NEDD4: variants seen among roughly 807,000 people sequenced by gnomAD.
The protein encoded by NEDD4 is E3 ubiquitin-protein ligase NEDD4.
Under a neutral mutation model 144.9 loss-of-function variants are expected in NEDD4, and 99 were observed. The ratio of observed to expected loss-of-function variants is 0.68; its 90% confidence interval spans 0.58 to 0.81. The LOEUF is 0.81. NEDD4 is among the 30% of genes least tolerant of loss of function. NEDD4 has a pLI of 0.00. For synonymous variants in NEDD4, 318 were observed against 350.6 expected, an observed-to-expected ratio of 0.91 and a Z score of 1.04; for missense variants, 985 against 1,065.9, an observed-to-expected ratio of 0.92 and a Z score of 1.06.
intron 2 of NEDD4, among the ~76,000 whole-genome samples, chr15:55,959,029 C>A (rs2037385097): frequency 6.7e-6 from 1 of 149,200 alleles, no homozygotes; most frequent in Admixed American, 6.8e-5. Context: ...GATTTTGGCC[C>A]TTGTCTTTAT....
At chr15:55,940,013 T>C (rs571926227) in intron 4 of NEDD4, among the ~76,000 whole-genome samples, 1 of 152,122 alleles carries the variant, frequency 6.6e-6, no homozygotes, top group Non-Finnish European at 1.5e-5. Context: ...ATACATACAA[T>C]AGAATATTAT....
At position 55,984,626 on chromosome 15, in the gene NEDD4, T is replaced by G. The variant is rs372254819; in HGVS notation, c.45+8885A>C. The stretch of plus-strand genomic sequence containing the variant: ...CTCGCATCAGTTGAAGCCAGACATT[T>G]GAGTCCAGCCATGAGTTATAATAAT... On this transcript the variant is annotated intron_variant, in intron 1 of 28. Transcript: ENST00000435532. Among the ~76,000 whole-genome samples, 25 of 152,348 alleles carry G rather than the reference T, an allele frequency of 1.6e-4. No individual in the cohort carries two copies. In the East Asian group the frequency reaches 4.0e-3, roughly 25 times the overall value.
At chr15:55,911,463 A>T (rs1251664853) in intron 5 of NEDD4, among the ~76,000 whole-genome samples, 8 of 152,116 alleles carry the variant, frequency 5.3e-5, no homozygotes, top group Non-Finnish European at 1.5e-5. Context: ...TCTCCAGATA[A>T]ATAATGTCAC....
chr15:55,959,233 G>A (rs555052777), intron 2 of NEDD4, among the ~76,000 whole-genome samples: 5 of 152,100 alleles, frequency 3.3e-5, no homozygotes, highest in African/African-American at 1.2e-4. Flanking sequence ...TTTTCATTCA[G>A]TTCAAAATGT....
chr15:55,960,954 G>GT (rs1363855477), intron 2 of NEDD4, among the ~76,000 whole-genome samples: 2 of 152,194 alleles, frequency 1.3e-5, no homozygotes, highest in Non-Finnish European at 2.9e-5. Context: ...TCTGGCATCT[G>GT]TAAGTAATAA....
intron 13 of NEDD4, among the ~76,000 whole-genome samples, chr15:55,852,092 T>C (rs2034004716): frequency 6.6e-6 from 1 of 151,688 alleles, no homozygotes; most frequent in South Asian, 2.1e-4. Flanking sequence ...GGTCAGGAGT[T>C]TCAGATCAGC....
intron 1 of NEDD4, among the ~76,000 whole-genome samples, chr15:55,984,956 A>G (rs58620732): frequency 0.017 from 2,541 of 152,328 alleles, 77 homozygotes; most frequent in African/African-American, 0.058. Flanking sequence ...ATTGTGTTCA[A>G]CTGGTTCCTG....
chr15:55,927,077 C>CAAAAAAAA (rs57940091), intron 4 of NEDD4, among the ~76,000 whole-genome samples: 136 of 70,464 alleles, frequency 1.9e-3, no homozygotes, highest in Non-Finnish European at 2.4e-3. Context: ...GACTACGTCT[C>CAAAAAAAA]AAAAAAAAAA....
chr15:55,909,601 C>A (rs567223600), intron 5 of NEDD4, among the ~76,000 whole-genome samples: 1 of 152,164 alleles, frequency 6.6e-6, no homozygotes, highest in Admixed American at 6.5e-5. Context: ...CTCAACACAT[C>A]GCCTGGCCTC....
At chr15:55,985,430 C>T (rs1169112915) in intron 1 of NEDD4, among the ~76,000 whole-genome samples, 4 of 152,154 alleles carry the variant, frequency 2.6e-5, no homozygotes, top group Admixed American at 2.0e-4. Flanking sequence ...GGGAGGACGG[C>T]GTTGCACAGG....
At chr15:55,952,085 T>C (rs955764532) in intron 2 of NEDD4, among the ~76,000 whole-genome samples, 1 of 151,246 alleles carries the variant, frequency 6.6e-6, no homozygotes, top group East Asian at 1.9e-4. Flanking sequence ...TCCCAGTACT[T>C]TGGGAGGCCG....
At chr15:55,870,027 A>G (rs1305074650) in intron 7 of NEDD4, among the ~76,000 whole-genome samples, 1 of 152,128 alleles carries the variant, frequency 6.6e-6, no homozygotes, top group Non-Finnish European at 1.5e-5. Context: ...AGGAAAAGGC[A>G]TATGAGTAAA....
intron 4 of NEDD4, among the ~76,000 whole-genome samples, chr15:55,925,342 G>A (rs79136313): frequency 0.14 from 21,681 of 152,160 alleles, 2,049 homozygotes; most frequent in Non-Finnish European, 0.21. Flanking sequence ...CTTATGATCA[G>A]TTTTATTTAC....
At chr15:55,831,762 C>CA (rs775140652) in intron 27 of NEDD4, among the ~76,000 whole-genome samples, 11 of 152,136 alleles carry the variant, frequency 7.2e-5, no homozygotes, top group Non-Finnish European at 1.5e-4. Context: ...TCTATTTGCA[C>CA]AAAAAATTCA....
chr15:55,969,098 G>A (rs2037565907), intron 1 of NEDD4, among the ~76,000 whole-genome samples: 1 of 152,174 alleles, frequency 6.6e-6, no homozygotes. Flanking sequence ...GTGCAGTGTG[G>A]TGGCTGAGAG....
rs114611656 is a variant in NEDD4 at position 55,966,511 on chromosome 15, G to A, written c.81C>T (p.Ala27=). ...NSRIVRVRVI[A]GIGLAKKDIL... is the part of the protein sequence containing the mutation. Reference sequence around the variant, plus strand: ...TATCCTTCTTGGCAAGGCCTATTCCGGCTATAACTCTTACTCTCACAATTC... The same window carrying A: ...TATCCTTCTTGGCAAGGCCTATTCCAGCTATAACTCTTACTCTCACAATTC... The change falls in exon 2 of 29, where the codon GCC becomes GCT. Residue 27 remains alanine, a synonymous_variant. Coordinates refer to ENST00000435532, the MANE Select transcript of NEDD4 (RefSeq NM_006154.4). 2.2e-3 allele frequency: 3,332 copies of A among 1,531,504 alleles called. 18 individuals carry two copies. In the African/African-American group the frequency reaches 0.03, roughly 14 times the overall value. 94.9% of individuals were successfully genotyped at this position (1,531,504 alleles called of 1,614,324 possible).
At chr15:55,955,145 C>T (rs1170473202) in intron 2 of NEDD4, among the ~76,000 whole-genome samples, 1 of 152,150 alleles carries the variant, frequency 6.6e-6, no homozygotes, top group Non-Finnish European at 1.5e-5. Context: ...CCTCAGCCTC[C>T]CAAGTAGCGG....
At chr15:55,854,327 C>T (rs2034110630) in intron 12 of NEDD4, among the ~76,000 whole-genome samples, 1 of 152,090 alleles carries the variant, frequency 6.6e-6, no homozygotes, top group African/African-American at 2.4e-5. Flanking sequence ...ACTTTGGGGA[C>T]AGTTGTGATG....
chr15:55,989,767 A>G (rs2037959671), intron 1 of NEDD4, among the ~76,000 whole-genome samples: 1 of 152,150 alleles, frequency 6.6e-6, no homozygotes, highest in South Asian at 2.1e-4. Flanking sequence ...ATGCTTACAA[A>G]ATTTTTGGAA....
Sources: gnomAD v4.1 joint callset for allele counts (sites outside exome capture counted in the v4.1 genomes callset) on GRCh38, gnomAD v4.1.1 for gene constraint, MANE v1.5 for transcripts, NCBI Gene and HGNC (gene_info 2026-07-23, HGNC 2026-07-21) for gene names.